Variants in CNTNAP5 observed in about 807,000 individuals in gnomAD.
CNTNAP5 encodes contactin-associated protein-like 5.
A neutral mutation model predicts 150.2 loss-of-function variants in CNTNAP5; 72 were observed. That is an observed-to-expected ratio of 0.48 (90% CI 0.40 to 0.58). The LOEUF is 0.58. Among genes scored for constraint, CNTNAP5 ranks in the 20% least tolerant of loss-of-function variants. The pLI, the probability that CNTNAP5 is intolerant of heterozygous loss-of-function variation, is 0.00. For missense variants in CNTNAP5, 1,636 were observed against 1,626.2 expected (o/e 1.01, Z -0.10); for synonymous variants, 672 against 619.8 (o/e 1.08, Z -1.25).
chr2:124,234,376 C>A (rs1289423276), intron 2 of CNTNAP5, among the ~76,000 whole-genome samples: 1 of 152,110 alleles, frequency 6.6e-6, no homozygotes, highest in Admixed American at 6.6e-5. Context: ...TGTAAGTGTG[C>A]TATGCAAGGT....
intron 19 of CNTNAP5, among the ~76,000 whole-genome samples, chr2:124,829,672 G>GT (rs1480030687): frequency 2.0e-5 from 3 of 151,610 alleles, no homozygotes; most frequent in Non-Finnish European, 2.9e-5. Context: ...ATTGTACTAT[G>GT]TTTTTTCCTT....
intron 1 of CNTNAP5, among the ~76,000 whole-genome samples, chr2:124,060,053 TG>T: frequency 6.6e-6 from 1 of 152,332 alleles, no homozygotes; most frequent in African/African-American, 2.4e-5. Context: ...TCTAGTTGGC[TG>T]GTGTCCATAA....
At chr2:124,889,031 TG>T (rs1678138510) in intron 21 of CNTNAP5, among the ~76,000 whole-genome samples, 1 of 150,794 alleles carries the variant, frequency 6.6e-6, no homozygotes. Flanking sequence ...ATGTCTGAAA[TG>T]GTGTTCCTAG....
intron 13 of CNTNAP5, among the ~76,000 whole-genome samples, chr2:124,683,092 C>A (rs533022606): frequency 6.6e-6 from 1 of 152,008 alleles, no homozygotes; most frequent in Non-Finnish European, 1.5e-5. Flanking sequence ...TTTTTAGAAA[C>A]TGAAAGCAAT....
At chr2:124,163,547 G>T (rs1684738526) in intron 1 of CNTNAP5, among the ~76,000 whole-genome samples, 1 of 152,182 alleles carries the variant, frequency 6.6e-6, no homozygotes, top group Admixed American at 6.6e-5. Context: ...CATTTTACAT[G>T]AAATTGAACA....
intron 8 of CNTNAP5, among the ~76,000 whole-genome samples, chr2:124,511,122 G>T (rs1694579225): frequency 6.6e-6 from 1 of 152,140 alleles, no homozygotes; most frequent in South Asian, 2.1e-4. Context: ...TTAGAATGGA[G>T]TTTAGTATTT....
At position 124,196,333 on chromosome 2, in the gene CNTNAP5, G is replaced by A. The variant is rs374194712; in HGVS notation, c.83-25372G>A. 9.2e-5 allele frequency among the ~76,000 whole-genome samples: 14 copies of A among 152,228 alleles called. No individual in the cohort carries two copies. The South Asian group carries it at 2.9e-3, about 32-fold the overall frequency. On this transcript the variant is annotated intron_variant, in intron 1 of 23. Coordinates refer to ENST00000682447, the MANE Select transcript of CNTNAP5 (RefSeq NM_001367498.1). ...ACTTCACAGCTACATGATGGACTCTGGCAGCATCCGTTATCTCATGTTACA... is the reference window on the plus strand; with the variant it reads ...ACTTCACAGCTACATGATGGACTCTAGCAGCATCCGTTATCTCATGTTACA...
At chr2:124,176,842 G>GTTTTTTTTTT (rs71394026) in intron 1 of CNTNAP5, among the ~76,000 whole-genome samples, 14,752 of 118,634 alleles carry the variant, frequency 0.12, 1,255 homozygotes, top group Non-Finnish European at 0.15. Flanking sequence ...GTTATTGCTG[G>GTTTTTTTTTT]TTTTTTTTTT....
intron 1 of CNTNAP5, among the ~76,000 whole-genome samples, chr2:124,149,710 C>T (rs1684357324): frequency 6.6e-6 from 1 of 152,212 alleles, no homozygotes; most frequent in Non-Finnish European, 1.5e-5. Flanking sequence ...AACAGTCAGG[C>T]TGCTGCTGCT....
intron 19 of CNTNAP5, among the ~76,000 whole-genome samples, chr2:124,810,289 T>C (rs1481368963): frequency 6.6e-6 from 1 of 152,158 alleles, no homozygotes; most frequent in Non-Finnish European, 1.5e-5. Context: ...GTCTCCGAGG[T>C]CAAACTGTTG....
intron 3 of CNTNAP5, among the ~76,000 whole-genome samples, chr2:124,337,430 A>G (rs535076849): frequency 1.3e-5 from 2 of 152,258 alleles, no homozygotes; most frequent in East Asian, 3.9e-4. Flanking sequence ...TTGGTGTTTT[A>G]GACATGAAGT....
At chr2:124,117,721 C>T (rs1683460857) in intron 1 of CNTNAP5, among the ~76,000 whole-genome samples, 1 of 152,156 alleles carries the variant, frequency 6.6e-6, no homozygotes, top group Admixed American at 6.5e-5. Flanking sequence ...TGCACTCAAG[C>T]ACGAAATTGA....
At chr2:124,094,861 G>T (rs1346863047) in intron 1 of CNTNAP5, among the ~76,000 whole-genome samples, 1 of 152,112 alleles carries the variant, frequency 6.6e-6, no homozygotes, top group Admixed American at 6.6e-5. Flanking sequence ...TGCTTTGCCA[G>T]GGGTCAGTGT....
intron 13 of CNTNAP5, among the ~76,000 whole-genome samples, chr2:124,682,816 T>A (rs1322338930): frequency 6.6e-6 from 1 of 152,194 alleles, no homozygotes; most frequent in Non-Finnish European, 1.5e-5. Flanking sequence ...GGATTTTGAA[T>A]GAATCGTGCC....
intron 19 of CNTNAP5, among the ~76,000 whole-genome samples, chr2:124,818,291 G>C (rs1682411103): frequency 6.6e-6 from 1 of 152,148 alleles, no homozygotes; most frequent in Non-Finnish European, 1.5e-5. Flanking sequence ...CTGGCTCCCA[G>C]AATTGCTTGC....
At chr2:124,360,102 G>A (rs1426687895) in intron 3 of CNTNAP5, among the ~76,000 whole-genome samples, 11 of 142,784 alleles carry the variant, frequency 7.7e-5, no homozygotes, top group African/African-American at 1.8e-4. Flanking sequence ...TTTAAAGTCT[G>A]TTTTATCAGA....
chr2:124,226,472 T>A (rs77379527), intron 2 of CNTNAP5, among the ~76,000 whole-genome samples: 2,738 of 152,278 alleles, frequency 0.018, 85 homozygotes, highest in African/African-American at 0.062. Context: ...GCTACTGAGT[T>A]GTACTTGTTC....
intron 19 of CNTNAP5, among the ~76,000 whole-genome samples, chr2:124,820,229 G>A (rs1260598633): frequency 6.6e-6 from 1 of 152,022 alleles, no homozygotes; most frequent in Admixed American, 6.6e-5. Context: ...AACATTTGAG[G>A]CATTTTGAAA....
At chr2:124,341,575 G>C (rs754158521) in intron 3 of CNTNAP5, among the ~76,000 whole-genome samples, 19 of 152,124 alleles carry the variant, frequency 1.2e-4, no homozygotes, top group Non-Finnish European at 2.4e-4. Flanking sequence ...CTTATTTCAG[G>C]AAGTGGTGTT....
Sources: gnomAD v4.1 joint callset for allele counts (sites outside exome capture counted in the v4.1 genomes callset) on GRCh38, gnomAD v4.1.1 for gene constraint, MANE v1.5 for transcripts, NCBI Gene and HGNC (gene_info 2026-07-23, HGNC 2026-07-21) for gene names.